Variants in ERG observed in about 807,000 individuals in gnomAD.
ERG encodes ETS transcription factor ERG.
ERG carries 9 observed loss-of-function variants against 55.3 expected under a neutral mutation model. The ratio of observed to expected loss-of-function variants is 0.16; its 90% CI spans 0.10 to 0.28. The LOEUF (loss-of-function observed/expected upper bound fraction) is 0.28, where lower values mean the gene tolerates loss of function less well. Among genes scored for constraint, ERG ranks in the 10% least tolerant of loss-of-function variants. The probability of loss-of-function intolerance (pLI) is 1.00; values close to 1 mark genes in which losing one functional copy is unlikely to be tolerated. For synonymous variants in ERG, 223 were observed against 237.3 expected, an observed-to-expected ratio of 0.94 and a Z score of 0.55; for missense variants, 434 against 631.6, an observed-to-expected ratio of 0.69 and a Z score of 3.35.
intron 3 of ERG, among the ~76,000 whole-genome samples, chr21:38,411,108 G>T (rs1365786919): frequency 1.3e-5 from 2 of 152,012 alleles, no homozygotes; most frequent in Non-Finnish European, 2.9e-5. Flanking sequence ...TATAAAGCAG[G>T]CCCAATAGAG....
At position 38,394,830 on chromosome 21, in the gene ERG, CT is replaced by C. The variant is rs1367243716; in HGVS notation, c.746-2387del. Among the ~76,000 whole-genome samples, 3 of 152,104 alleles carry C rather than the reference CT, an allele frequency of 2.0e-5. 1 individual carries two copies. The highest frequency in any genetic ancestry group is 7.2e-5 in the African/African-American group (3 of 41,402). Reference sequence around the variant, plus strand: ...GGTTGAAAGAGTTCTAGATGGATTGCTTTTACCCATGGCATAAGTATGCTAA... The same window carrying C: ...GGTTGAAAGAGTTCTAGATGGATTGCTTTACCCATGGCATAAGTATGCTAA... On this transcript the variant is annotated intron_variant, in intron 6 of 9. Coordinates refer to ENST00000288319, the MANE Select transcript of ERG (RefSeq NM_182918.4).
chr21:38,564,626 C>T (rs1215585305), intron 2 of ERG, among the ~76,000 whole-genome samples: 1 of 151,604 alleles, frequency 6.6e-6, no homozygotes, highest in African/African-American at 2.4e-5. Context: ...TGGCTTTTGT[C>T]CACCCATGCA....
chr21:38,561,023 G>T (rs185232447), intron 2 of ERG, among the ~76,000 whole-genome samples: 382 of 151,682 alleles, frequency 2.5e-3, no homozygotes, highest in African/African-American at 8.0e-3. Flanking sequence ...AAAATGTGGG[G>T]TTTTTTTTAA....
intron 1 of ERG, among the ~76,000 whole-genome samples, chr21:38,495,565 CT>C (rs761712481): frequency 2.6e-5 from 4 of 152,194 alleles, no homozygotes; most frequent in Non-Finnish European, 5.9e-5. Context: ...CATTAAGTAT[CT>C]TTCTAGGATC....
intron 1 of ERG, among the ~76,000 whole-genome samples, chr21:38,658,537 C>A (rs994604508): frequency 2.0e-5 from 3 of 151,876 alleles, no homozygotes; most frequent in African/African-American, 7.3e-5. Context: ...CCTTTTATTT[C>A]TTTTTTGTTT....
chr21:38,563,594 C>G (rs1219212319), intron 2 of ERG, among the ~76,000 whole-genome samples: 2 of 152,106 alleles, frequency 1.3e-5, no homozygotes, highest in African/African-American at 4.8e-5. Flanking sequence ...AAGTGAATAC[C>G]GACATGTTCA....
At chr21:38,498,611 TTCTTGATGATATG>T, upstream of ERG, 2 of 835,634 alleles carry the variant, frequency 2.4e-6, no homozygotes, top group Non-Finnish European at 3.2e-6. The surrounding 1 kb of genome is among the most constrained non-coding windows in gnomAD (Gnocchi z 4.6). Flanking sequence ...AATGTTGTTT[TTCTTGATGATATG>T]CAGCCAGGAG....
At position 38,383,269 on chromosome 21, in the gene ERG, C is replaced by T. The variant is rs934872510; in HGVS notation, c.*134G>A. The T allele has an allele frequency of 2.2e-6, 3 of 1,338,078 alleles. No homozygotes were observed. Among genetic ancestry groups the T allele is most frequent in the Non-Finnish European group, 2.9e-6 (3 of 1,043,598 alleles). The allele number at this position is 1,338,078 out of a possible 1,614,324, so 82.9% of individuals were successfully genotyped here. ...CCTCCCAAGAGTCTTTGGATCTCTT[C>T]CCCGGCTTCCTTCCCCAGCCCCAGT... On this transcript the variant is annotated 3_prime_UTR_variant, in exon 10 of 10. Transcript: ENST00000288319. This position sits in a 1 kb window ranked among gnomAD's most constrained non-coding sequence, Gnocchi z 5.7.
upstream of ERG, among the ~76,000 whole-genome samples, chr21:38,501,061 C>CTTTTTTTTT (rs34639260): frequency 1.2e-5 from 1 of 81,186 alleles, no homozygotes; most frequent in African/African-American, 5.0e-5. Context: ...CAAGGCACAT[C>CTTTTTTTTT]TTTTTTTTTT....
At chr21:38,462,443 C>T (rs909592283) in intron 1 of ERG, among the ~76,000 whole-genome samples, 8 of 152,146 alleles carry the variant, frequency 5.3e-5, no homozygotes, top group Non-Finnish European at 7.3e-5. Context: ...TTAAGAATCA[C>T]TGCCGTCGAG....
intron 1 of ERG, among the ~76,000 whole-genome samples, chr21:38,636,855 A>C (rs2060392444): frequency 6.6e-6 from 1 of 152,220 alleles, no homozygotes; most frequent in African/African-American, 2.4e-5. Context: ...GCTTAGAAGG[A>C]AGCAAATGTT....
chr21:38,546,282 A>G (rs906277857), intron 2 of ERG, among the ~76,000 whole-genome samples: 1 of 152,140 alleles, frequency 6.6e-6, no homozygotes, highest in South Asian at 2.1e-4. Context: ...CTCACACAGA[A>G]GTGCTCCAAT....
intron 3 of ERG, among the ~76,000 whole-genome samples, chr21:38,416,270 T>G (rs541712142): frequency 6.6e-5 from 10 of 152,360 alleles, no homozygotes; most frequent in African/African-American, 2.2e-4. Context: ...TGAAATGCAG[T>G]GCTGCAACTG....
At chr21:38,640,400 A>C (rs2060416677) in intron 1 of ERG, among the ~76,000 whole-genome samples, 1 of 152,154 alleles carries the variant, frequency 6.6e-6, no homozygotes, top group Admixed American at 6.5e-5. Context: ...GAAAATTGAT[A>C]ATGTCTGATA....
chr21:38,623,045 C>CCA (rs926633635), intron 1 of ERG, among the ~76,000 whole-genome samples: 2 of 140,960 alleles, frequency 1.4e-5, no homozygotes, highest in African/African-American at 5.2e-5. Flanking sequence ...ACACACAAGA[C>CCA]CACACACACA....
intron 2 of ERG, among the ~76,000 whole-genome samples, chr21:38,559,495 G>A (rs2146832740): frequency 7.1e-6 from 1 of 141,532 alleles, no homozygotes; most frequent in Non-Finnish European, 1.5e-5. Flanking sequence ...GCACGATTTA[G>A]TCATTTAGAT....
At chr21:38,451,176 T>C (rs779863242) in intron 1 of ERG, 1 of 504,556 alleles carries the variant, frequency 2.0e-6, no homozygotes, top group Admixed American at 2.0e-5. Context: ...GATGAAGGGA[T>C]AAGTGTCCAG....
At chr21:38,404,259 C>T (rs1988654211) in intron 3 of ERG, among the ~76,000 whole-genome samples, 1 of 152,190 alleles carries the variant, frequency 6.6e-6, no homozygotes. Flanking sequence ...ACTCTAGCCC[C>T]TCCTATGAGC....
intron 1 of ERG, among the ~76,000 whole-genome samples, chr21:38,635,292 T>C (rs927618102): frequency 6.6e-6 from 1 of 152,138 alleles, no homozygotes; most frequent in Non-Finnish European, 1.5e-5. Context: ...TAGCCTACTG[T>C]AATAGTAGGC....
Sources: allele counts gnomAD v4.1 joint callset (sites outside exome capture counted in the v4.1 genomes callset), GRCh38; gene constraint gnomAD v4.1.1; non-coding constraint Gnocchi (gnomAD v3.1); transcripts MANE v1.5; gene names NCBI Gene and HGNC (gene_info 2026-07-23, HGNC 2026-07-21).